DLG3: variants seen among roughly 807,000 people sequenced by gnomAD.
The protein encoded by DLG3 is disks large homolog 3.
Under a neutral mutation model 64.1 loss-of-function variants are expected in DLG3, and 1 was observed. The ratio of observed to expected loss-of-function variants is 0.02; its 90% confidence interval spans 0.01 to 0.07. The LOEUF is 0.07. Ranked by LOEUF, DLG3 falls within the 10% of genes least tolerant of loss-of-function variation. The pLI is 1.00. For missense variants in DLG3, 429 were observed against 669.5 expected (o/e 0.64, Z 3.96); for synonymous variants, 245 against 259.8 (o/e 0.94, Z 0.55).
chrX:70,468,312 C>T (rs944804754), intron 9 of DLG3, among the ~76,000 whole-genome samples: 14 of 111,365 alleles, frequency 1.3e-4, no homozygotes, highest in Admixed American at 8.6e-4. Flanking sequence ...TCCGGTGATC[C>T]GCCCGCTTCG....
chrX:70,497,429 A>G (rs1384202763), intron 13 of DLG3, among the ~76,000 whole-genome samples: 9 of 112,723 alleles, frequency 8.0e-5, no homozygotes, highest in East Asian at 2.8e-4. Flanking sequence ...TATAAGCCCT[A>G]TAGTGCTGGC....
At chrX:70,481,544 T>C (rs1405368702) in intron 10 of DLG3, among the ~76,000 whole-genome samples, 1 of 112,037 alleles carries the variant, frequency 8.9e-6, no homozygotes, top group African/African-American at 3.2e-5. Flanking sequence ...GAGAAACCTA[T>C]GTCAACATCC....
intron 9 of DLG3, among the ~76,000 whole-genome samples, chrX:70,460,832 A>G (rs1452449565): frequency 8.9e-6 from 1 of 111,926 alleles, no homozygotes; most frequent in Non-Finnish European, 1.9e-5. Flanking sequence ...AACTAGATTC[A>G]TATAATATGT....
At chrX:70,472,783 C>T (rs2086991894) in intron 9 of DLG3, among the ~76,000 whole-genome samples, 1 of 112,048 alleles carries the variant, frequency 8.9e-6, no homozygotes, top group African/African-American at 3.2e-5. Flanking sequence ...AAGTGACACA[C>T]ATATCTGATC....
In DLG3 at chrX:70,499,954, A is replaced by C. The variant is rs753131039; in HGVS notation, c.2050A>C (p.Lys684Gln). ...HFVVSREQMEKDIQDNKFIEA... is the reference protein window; with the variant it reads ...HFVVSREQMEQDIQDNKFIEA... The stretch of plus-strand genomic sequence containing the variant: ...TGTGGTGTCCCGAGAACAAATGGAG[A>C]AAGATATTCAGGACAACAAGTTCAT... Residue 684 changes from lysine to glutamine, a missense_variant, in exon 16 of 19, where the codon AAA (lysine) becomes CAA (glutamine). By Grantham distance (53) the Lys-to-Gln change is moderately conservative (BLOSUM62 1). Transcript: ENST00000374360. 8.3e-7 allele frequency: 1 copy of C among 1,208,817 alleles called. No homozygotes were observed. Among genetic ancestry groups the C allele is most frequent in the East Asian group, 3.0e-5 (1 of 33,739 alleles).
In DLG3 at chrX:70,504,920, A is replaced by C. The variant is rs765336414; in HGVS notation, c.*2651A>C. On this transcript the variant is annotated 3_prime_UTR_variant, in exon 19 of 19. Coordinates refer to ENST00000374360, the MANE Select transcript of DLG3 (RefSeq NM_021120.4). ...GCAGGTGCCATTGCAACTTGTGCGG[A>C]GGAGTCTTAGGAAGTGCTGTCATAA... 8.9e-6 allele frequency: 1 copy of C among 112,231 alleles called. No individual in the cohort carries two copies. The highest frequency in any genetic ancestry group is 9.5e-5 in the Admixed American group (1 of 10,573). The allele number at this position is 112,231 out of a possible 1,213,427, so 9.2% of individuals were successfully genotyped here.
intron 9 of DLG3, among the ~76,000 whole-genome samples, chrX:70,454,706 C>T (rs1396275704): frequency 8.9e-6 from 1 of 111,959 alleles, no homozygotes; most frequent in Non-Finnish European, 1.9e-5. Flanking sequence ...AGAAGAGATC[C>T]GACCTCTTAA....
rs2087601422 is a variant in DLG3, at chrX:70,503,426, A to C, written c.*1157A>C. 1 of 112,184 alleles carries C rather than the reference A, an allele frequency of 8.9e-6. No homozygotes were observed. Among genetic ancestry groups the C allele is most frequent in the African/African-American group, 3.3e-5 (1 of 30,763 alleles). The allele number at this position is 112,184 out of a possible 1,213,427, so 9.2% of individuals were successfully genotyped here. A position where few individuals can be genotyped will look rare whatever the true frequency, so the allele number is the denominator to read the frequency against. ...GTGACACAGGCCTGGTTGTCCTGTC[A>C]GCAGAAGGGAAAGCAGGGGCTGGGC... On this transcript the variant is annotated 3_prime_UTR_variant, in exon 19 of 19. Transcript: ENST00000374360.
At chrX:70,450,916 G>A in intron 6 of DLG3, 133 bp downstream of exon 6, 2 of 834,980 alleles carry the variant, frequency 2.4e-6, no homozygotes, top group Non-Finnish European at 3.5e-6. Flanking sequence ...AGCCAATAAG[G>A]TTTATCTGAG....
At chrX:70,475,426 C>A (rs2087038290) in intron 9 of DLG3, among the ~76,000 whole-genome samples, 1 of 111,094 alleles carries the variant, frequency 9.0e-6, no homozygotes. Context: ...GGCGCGATCT[C>A]GGCTCACTGC....
chrX:70,465,326 G>T (rs1187943266), intron 9 of DLG3, among the ~76,000 whole-genome samples: 1 of 111,772 alleles, frequency 8.9e-6, no homozygotes, highest in Admixed American at 9.5e-5. Flanking sequence ...AGATGGCTGG[G>T]TGATAATGGT....
At chrX:70,483,909 G>A (rs1373414099) in intron 10 of DLG3, among the ~76,000 whole-genome samples, 2 of 112,040 alleles carry the variant, frequency 1.8e-5, no homozygotes, top group Non-Finnish European at 3.8e-5. Context: ...GATTTGCCTT[G>A]CCCACTGGAA....
intron 9 of DLG3, among the ~76,000 whole-genome samples, chrX:70,463,129 GTTAT>G (rs1465368622): frequency 1.8e-5 from 2 of 111,643 alleles, no homozygotes; most frequent in African/African-American, 6.5e-5. Context: ...ATGAGAATGA[GTTAT>G]TTCTTTTTAT....
intron 18 of DLG3, among the ~76,000 whole-genome samples, chrX:70,501,409 C>CTG (rs796396273): frequency 4.0e-5 from 3 of 75,164 alleles, no homozygotes; most frequent in African/African-American, 1.0e-4. Flanking sequence ...GTCTGTCTGT[C>CTG]TGTCTGTGTG....
chrX:70,474,613 C>T lies in DLG3; in HGVS notation c.1406-4537C>T, dbSNP rs1038012082. The stretch of plus-strand genomic sequence containing the variant: ...ATATAGTGTCATGTAGGTGGAACAG[C>T]GTCTTAACTCATGGTTAAACAGGGC... On this transcript the variant is annotated intron_variant, in intron 9 of 18. Coordinates refer to ENST00000374360, the MANE Select transcript of DLG3 (RefSeq NM_021120.4). Among the ~76,000 whole-genome samples the T allele has an allele frequency of 2.7e-5, 3 of 110,756 alleles. No individual in the cohort carries two copies. In the East Asian group the frequency reaches 8.6e-4, roughly 32 times the overall value.
chrX:70,479,341 C>A, intron 10 of DLG3, 77 bp downstream of exon 10: 2 of 746,429 alleles, frequency 2.7e-6, no homozygotes, highest in Non-Finnish European at 2.1e-6. Context: ...TCTTATTTAA[C>A]TAGTGGGCTA....
chrX:70,460,707 C>A (rs1176125552), intron 9 of DLG3, among the ~76,000 whole-genome samples: 3 of 111,747 alleles, frequency 2.7e-5, no homozygotes, highest in African/African-American at 9.8e-5. Context: ...ATTTTAATCA[C>A]CCCTGTACGC....
chrX:70,460,599 T>G (rs939590290), intron 9 of DLG3, among the ~76,000 whole-genome samples: 13 of 112,662 alleles, frequency 1.2e-4, no homozygotes, highest in African/African-American at 3.5e-4. Context: ...TTGTCATTCA[T>G]TTTTTATGAC....
At chrX:70,495,130 T>C (rs944067806) in intron 12 of DLG3, among the ~76,000 whole-genome samples, 2 of 111,604 alleles carry the variant, frequency 1.8e-5, no homozygotes, top group Non-Finnish European at 3.8e-5. Flanking sequence ...CCTCTGGCAA[T>C]GAATTGGGCA....
Sources: allele counts gnomAD v4.1 joint callset (sites outside exome capture counted in the v4.1 genomes callset), GRCh38; gene constraint gnomAD v4.1.1; transcripts MANE v1.5; gene names NCBI Gene and HGNC (gene_info 2026-07-23, HGNC 2026-07-21).